The following LRRC7 variants were observed in gnomAD, a reference collection of about 807,000 sequenced individuals.
The protein encoded by LRRC7 is leucine rich repeat containing 7.
In LRRC7, 23 loss-of-function variants were observed where a neutral mutation model predicts 175.7. The ratio of observed to expected loss-of-function variants is 0.13; its 90% CI spans 0.09 to 0.19. The LOEUF (loss-of-function observed/expected upper bound fraction) is 0.19. Ranked by LOEUF, LRRC7 falls within the 10% of genes least tolerant of loss-of-function variation. LRRC7 has a pLI of 1.00. For synonymous variants in LRRC7, 685 were observed against 680.9 expected, an observed-to-expected ratio of 1.01 and a Z score of -0.09; for missense variants, 1,354 against 1,904.7, an observed-to-expected ratio of 0.71 and a Z score of 5.38.
At chr1:69,625,821 A>G (rs1298442171) in intron 1 of LRRC7, among the ~76,000 whole-genome samples, 3 of 152,070 alleles carry the variant, frequency 2.0e-5, no homozygotes, top group Non-Finnish European at 4.4e-5. Flanking sequence ...AGTTACCTTT[A>G]TGCCAATTAT....
chr1:69,895,366 C>A (rs908928014), intron 7 of LRRC7, among the ~76,000 whole-genome samples: 2 of 152,024 alleles, frequency 1.3e-5, no homozygotes, highest in Admixed American at 1.3e-4. Flanking sequence ...TGATGTAAAC[C>A]TCCTATCTGG....
At chr1:69,602,517 G>A (rs906577923) in intron 1 of LRRC7, among the ~76,000 whole-genome samples, 3 of 152,088 alleles carry the variant, frequency 2.0e-5, no homozygotes, top group Admixed American at 2.0e-4. Flanking sequence ...AAAAGTATTG[G>A]TGTTTATTAC....
intron 23 of LRRC7, among the ~76,000 whole-genome samples, chr1:70,060,374 T>C (rs949159125): frequency 2.6e-5 from 4 of 152,006 alleles, no homozygotes; most frequent in African/African-American, 9.7e-5. Flanking sequence ...AAAGTAAATT[T>C]ATTGAAATTG....
At chr1:69,646,229 T>A (rs1654991929) in intron 1 of LRRC7, among the ~76,000 whole-genome samples, 1 of 152,108 alleles carries the variant, frequency 6.6e-6, no homozygotes, top group Non-Finnish European at 1.5e-5. Context: ...CTTATATATT[T>A]ATTTTACTTT....
chr1:69,835,169 G>T (rs1248388556), intron 6 of LRRC7, among the ~76,000 whole-genome samples: 1 of 151,764 alleles, frequency 6.6e-6, no homozygotes, highest in Admixed American at 6.6e-5. Flanking sequence ...TGGCTCTTTT[G>T]TTGAGAAATA....
intron 7 of LRRC7, among the ~76,000 whole-genome samples, chr1:69,929,089 T>C (rs1447996717): frequency 4.6e-5 from 7 of 152,220 alleles, no homozygotes; most frequent in African/African-American, 1.7e-4. Context: ...TCTTTTTATC[T>C]ACATTCATGC....
At chr1:69,722,879 T>C (rs962978750) in intron 2 of LRRC7, among the ~76,000 whole-genome samples, 1 of 152,128 alleles carries the variant, frequency 6.6e-6, no homozygotes, top group African/African-American at 2.4e-5. Flanking sequence ...TTGTATGTGA[T>C]ATATACACAT....
chr1:69,798,657 A>G (rs1056687007), intron 4 of LRRC7, among the ~76,000 whole-genome samples: 1 of 152,180 alleles, frequency 6.6e-6, no homozygotes, highest in African/African-American at 2.4e-5. Context: ...TTATTAGTAA[A>G]TAAAAGGTTA....
chr1:69,997,578 A>C (rs1331651633), intron 11 of LRRC7, among the ~76,000 whole-genome samples: 1 of 151,682 alleles, frequency 6.6e-6, no homozygotes, highest in African/African-American at 2.4e-5. Flanking sequence ...ACGTCCCATC[A>C]ATACCTAATT....
intron 1 of LRRC7, among the ~76,000 whole-genome samples, chr1:69,576,063 A>G (rs1645933400): frequency 1.2e-5 from 1 of 83,878 alleles, no homozygotes; most frequent in East Asian, 3.5e-4. Flanking sequence ...GAGATGTTGT[A>G]TCTACTTTTT....
intron 7 of LRRC7, among the ~76,000 whole-genome samples, chr1:69,857,457 T>C (rs544438481): frequency 1.3e-5 from 2 of 152,070 alleles, no homozygotes; most frequent in Non-Finnish European, 2.9e-5. Flanking sequence ...ACAAACATTC[T>C]TATACACCAA....
chr1:69,936,873 A>G (rs1432327348), intron 8 of LRRC7, among the ~76,000 whole-genome samples: 1 of 152,128 alleles, frequency 6.6e-6, no homozygotes, highest in Non-Finnish European at 1.5e-5. Context: ...CTCCAGCTGC[A>G]TCCATGTTGT....
At chr1:69,674,175 G>A (rs1659478624) in intron 1 of LRRC7, among the ~76,000 whole-genome samples, 1 of 151,960 alleles carries the variant, frequency 6.6e-6, no homozygotes, top group Non-Finnish European at 1.5e-5. Context: ...TTATGTTAAT[G>A]ATAATTTTAC....
At chr1:69,704,660 T>C (rs2100709040) in intron 2 of LRRC7, among the ~76,000 whole-genome samples, 1 of 152,168 alleles carries the variant, frequency 6.6e-6, no homozygotes, top group East Asian at 1.9e-4. Flanking sequence ...ATAATCACTT[T>C]ATAACTTTAT....
intron 7 of LRRC7, among the ~76,000 whole-genome samples, chr1:69,915,940 G>C (rs1646673162): frequency 1.3e-5 from 2 of 148,322 alleles, no homozygotes; most frequent in Admixed American, 7.0e-5. Flanking sequence ...TATTTAGCTT[G>C]TTCAAAGTCA....
At chr1:69,677,952 C>T (rs536639286) in intron 1 of LRRC7, among the ~76,000 whole-genome samples, 113 of 152,050 alleles carry the variant, frequency 7.4e-4, no homozygotes, top group African/African-American at 2.6e-3. Flanking sequence ...AGAAGTCTAC[C>T]TTTTTCCCTT....
intron 2 of LRRC7, among the ~76,000 whole-genome samples, chr1:69,681,340 C>T (rs1316395813): frequency 6.6e-6 from 1 of 152,124 alleles, no homozygotes. Context: ...AATAAGGAAA[C>T]TTGGTTCAGA....
intron 4 of LRRC7, among the ~76,000 whole-genome samples, chr1:69,820,015 C>T (rs1175404303): frequency 6.6e-6 from 1 of 151,888 alleles, no homozygotes. Context: ...GATTATTTAG[C>T]CTATTTACAT....
intron 1 of LRRC7, among the ~76,000 whole-genome samples, chr1:69,635,292 G>GTA (rs199785400): frequency 0.015 from 2,237 of 152,206 alleles, 59 homozygotes; most frequent in African/African-American, 0.051. Context: ...ATTCCATGGT[G>GTA]TATTTAGTGT....
Sources: allele counts gnomAD v4.1 joint callset (sites outside exome capture counted in the v4.1 genomes callset), GRCh38; gene constraint gnomAD v4.1.1; transcripts MANE v1.5; gene names NCBI Gene and HGNC (gene_info 2026-07-23, HGNC 2026-07-21).